RSF1: variants seen among roughly 807,000 people sequenced by gnomAD.
RSF1 encodes remodeling and spacing factor 1, also known as HBV pX-associated protein 8.
In RSF1, 13 loss-of-function variants were observed where a neutral mutation model predicts 145.2. The ratio of observed to expected loss-of-function variants is 0.09; its 90% CI spans 0.06 to 0.14. RSF1 has a LOEUF of 0.14. Among genes scored for constraint, RSF1 ranks in the 10% least tolerant of loss-of-function variants. The probability of loss-of-function intolerance (pLI) is 1.00; values close to 1 mark genes in which losing one functional copy is unlikely to be tolerated. For missense variants in RSF1, 1,517 were observed against 1,718.2 expected (o/e 0.88, Z 2.07); for synonymous variants, 577 against 592.6 (o/e 0.97, Z 0.38).
rs576672205 is a variant in RSF1 at position 77,700,671 on chromosome 11, A to G, written c.2508+50T>C. ...AGTTTTAGACAAAACCAAAAAACCT[A>G]TTAATATATAGAGACAAATATTTTT... is the stretch of plus-strand genomic sequence containing the variant. On this transcript the variant is annotated intron_variant, in intron 6 of 15. Transcript: ENST00000308488. The G allele has an allele frequency of 6.6e-6, 9 of 1,363,460 alleles. No individual in the cohort carries two copies. In the South Asian group the frequency reaches 1.2e-4, roughly 18 times the overall value. The allele number at this position is 1,363,460 out of a possible 1,614,324, so 84.5% of individuals were successfully genotyped here. A position where few individuals can be genotyped will look rare whatever the true frequency, so the allele number is the denominator to read the frequency against.
intron 4 of RSF1, among the ~76,000 whole-genome samples, chr11:77,737,621 G>T (rs6592744): frequency 0.075 from 7,003 of 93,172 alleles, 229 homozygotes; most frequent in African/African-American, 0.1. Context: ...TGTTTTGGGG[G>T]GTGTGTGTGT....
intron 5 of RSF1, among the ~76,000 whole-genome samples, chr11:77,716,111 C>A (rs548667539): frequency 6.6e-6 from 1 of 150,392 alleles, no homozygotes; most frequent in South Asian, 2.1e-4. Context: ...AAAGACAAGA[C>A]AACAGGTGTA....
chr11:77,830,230 G>A, the RSF1 span: 1 of 152,178 alleles, frequency 6.6e-6, no homozygotes. Context: ...CATGTTGGGA[G>A]CTCAAAAGGC....
intron 1 of RSF1, among the ~76,000 whole-genome samples, chr11:77,815,454 A>C (rs149068054): frequency 3.3e-5 from 5 of 152,348 alleles, no homozygotes; most frequent in African/African-American, 1.2e-4. Flanking sequence ...AATTTTATTA[A>C]ATCTAACAAC....
chr11:77,792,553 C>T (rs1353678445), intron 1 of RSF1, among the ~76,000 whole-genome samples: 1 of 152,130 alleles, frequency 6.6e-6, no homozygotes, highest in Non-Finnish European at 1.5e-5. Flanking sequence ...AACCCAGTCC[C>T]CAGGAACACT....
At chr11:77,795,620 G>GAC in intron 1 of RSF1, among the ~76,000 whole-genome samples, 1 of 152,284 alleles carries the variant, frequency 6.6e-6, no homozygotes. Context: ...CTGGGGAAAG[G>GAC]ACACCCTCTC....
At chr11:77,774,845 CA>C (rs1168882018) in intron 1 of RSF1, among the ~76,000 whole-genome samples, 4 of 150,914 alleles carry the variant, frequency 2.7e-5, no homozygotes, top group Middle Eastern at 3.4e-3. Flanking sequence ...CGGCTTGCTG[CA>C]ACCTCTGCTT....
chr11:77,825,022 C>G (rs1949103614), upstream of RSF1, among the ~76,000 whole-genome samples: 1 of 151,994 alleles, frequency 6.6e-6, no homozygotes, highest in African/African-American at 2.4e-5. Context: ...ACTCTATCAC[C>G]CAGGCTAGAG....
chr11:77,752,660 C>T (rs1444747910), intron 2 of RSF1, among the ~76,000 whole-genome samples: 2 of 152,032 alleles, frequency 1.3e-5, no homozygotes, highest in Admixed American at 6.6e-5. Flanking sequence ...GGCTGTGAGA[C>T]AATAAACCTT....
intron 2 of RSF1, among the ~76,000 whole-genome samples, chr11:77,750,368 A>C (rs1246884222): frequency 6.6e-6 from 1 of 152,166 alleles, no homozygotes; most frequent in Non-Finnish European, 1.5e-5. Context: ...CAGCCATAGA[A>C]TATACATAAA....
chr11:77,789,312 G>C (rs748591347), intron 1 of RSF1, among the ~76,000 whole-genome samples: 1 of 152,194 alleles, frequency 6.6e-6, no homozygotes, highest in African/African-American at 2.4e-5. Flanking sequence ...GAGGGAGCTT[G>C]TCCTGGGTTC....
At chr11:77,677,928 T>A (rs1426971664) in intron 12 of RSF1, among the ~76,000 whole-genome samples, 158 bp downstream of exon 12, 1 of 152,184 alleles carries the variant, frequency 6.6e-6, no homozygotes, top group African/African-American at 2.4e-5. Context: ...TGACATTGTA[T>A]CCACAAATTA....
intron 1 of RSF1, among the ~76,000 whole-genome samples, chr11:77,793,287 C>T (rs1400789332): frequency 6.6e-6 from 1 of 152,088 alleles, no homozygotes; most frequent in African/African-American, 2.4e-5. Context: ...CGAAACCAGC[C>T]TTGTCTACAT....
intron 1 of RSF1, among the ~76,000 whole-genome samples, chr11:77,808,221 C>G (rs911751364): frequency 7.2e-5 from 11 of 151,920 alleles, no homozygotes; most frequent in African/African-American, 2.7e-4. Context: ...GTACTCCCAG[C>G]TATTCAGGAG....
At chr11:77,869,943 A>T in the RSF1 span, 1 of 837,592 alleles carries the variant, frequency 1.2e-6, no homozygotes, top group South Asian at 1.6e-5. Flanking sequence ...CTGACCCAGG[A>T]TAGCAGTGGC....
chr11:77,828,517 C>T, the RSF1 span, among the ~76,000 whole-genome samples: 2 of 150,836 alleles, frequency 1.3e-5, no homozygotes, highest in South Asian at 4.2e-4. Context: ...AATACAAAAA[C>T]AAAATTAGCC....
chr11:77,683,168 G>A (rs1216905916), intron 11 of RSF1, among the ~76,000 whole-genome samples: 1 of 152,150 alleles, frequency 6.6e-6, no homozygotes, highest in Non-Finnish European at 1.5e-5. Flanking sequence ...GCGGGCGCCT[G>A]TAGTCCCAGC....
chr11:77,744,619 T>C (rs1471193922), intron 3 of RSF1, among the ~76,000 whole-genome samples: 1 of 152,246 alleles, frequency 6.6e-6, no homozygotes, highest in Non-Finnish European at 1.5e-5. Context: ...ATCACATTTA[T>C]TGATTTGCAT....
In RSF1 at chr11:77,662,445, T is replaced by C. The variant is rs1345437090; in HGVS notation, c.*4472A>G. 1.3e-5 allele frequency: 2 copies of C among 152,176 alleles called. No homozygotes were observed. The highest frequency in any genetic ancestry group is 2.9e-5 in the Non-Finnish European group (2 of 68,014). 9.4% of individuals were successfully genotyped at this position (152,176 alleles called of 1,614,324 possible). Reference sequence around the variant, plus strand: ...TGTATACTCTAAAGTGGTTATATACTAAGCTCATTACATTTTGGCTTATGA... The same window carrying C: ...TGTATACTCTAAAGTGGTTATATACCAAGCTCATTACATTTTGGCTTATGA... On this transcript the variant is annotated 3_prime_UTR_variant, in exon 16 of 16. Coordinates refer to ENST00000308488, the MANE Select transcript of RSF1 (RefSeq NM_016578.4).
Sources: allele counts gnomAD v4.1 joint callset (sites outside exome capture counted in the v4.1 genomes callset), GRCh38; gene constraint gnomAD v4.1.1; transcripts MANE v1.5; gene names NCBI Gene and HGNC (gene_info 2026-07-23, HGNC 2026-07-21).